PTGES3: variants seen among roughly 807,000 people sequenced by gnomAD.
PTGES3 encodes the protein Hsp90 co-chaperone.
In PTGES3, 5 loss-of-function variants were observed where a neutral mutation model predicts 29.9. The ratio of observed to expected loss-of-function variants is 0.17; its 90% CI spans 0.09 to 0.35. PTGES3 has a LOEUF of 0.35. PTGES3 is among the 10% of genes least tolerant of loss of function. The probability of loss-of-function intolerance (pLI) is 1.00; values close to 1 mark genes in which losing one functional copy is unlikely to be tolerated. For synonymous variants in PTGES3, 49 were observed against 57.8 expected (o/e 0.85, Z 0.69); for missense variants, 128 against 190.0 (o/e 0.67, Z 1.92).
Position 56,670,315 on chromosome 12 carries a change from T to C in PTGES3, c.335A>G (p.Asp112Gly). Reference sequence around the variant, plus strand: ...AAAATTAGACATGTCTTCATCTGAATCATCTTCCCAGTCTTTCCAATTATT... The same window carrying C: ...AAAATTAGACATGTCTTCATCTGAACCATCTTCCCAGTCTTTCCAATTATT... ...DFNNWKDWED[D>G]SDEDMSNFDR... Residue 112 changes from aspartate to glycine, a missense_variant, in exon 5 of 8, where the codon GAT becomes GGT. Asp to Gly is a moderately conservative substitution (Grantham distance 94). Coordinates refer to ENST00000262033, the MANE Select transcript of PTGES3 (RefSeq NM_006601.7). The C allele has an allele frequency of 6.2e-7, 1 of 1,613,752 alleles. No homozygotes were observed. Among genetic ancestry groups the C allele is most frequent in the African/African-American group, 1.3e-5 (1 of 75,042 alleles).
intron 1 of PTGES3, among the ~76,000 whole-genome samples, chr12:56,682,605 G>C (rs190696865): frequency 6.6e-6 from 1 of 151,714 alleles, no homozygotes. Context: ...GGTATACCAA[G>C]GATCGGGTGC....
At chr12:56,669,892 G>A (rs1951935484) in intron 5 of PTGES3, among the ~76,000 whole-genome samples, 1 of 150,694 alleles carries the variant, frequency 6.6e-6, no homozygotes, top group South Asian at 2.1e-4. Context: ...TTACAGGTGT[G>A]AGCACCGTGC....
chr12:56,686,873 C>T, intron 1 of PTGES3: 1 of 342,370 alleles, frequency 2.9e-6, no homozygotes, highest in Non-Finnish European at 5.1e-6. Flanking sequence ...TATTACTTTT[C>T]CAAAGACATA....
chr12:56,681,752 G>A (rs927846150), intron 1 of PTGES3, among the ~76,000 whole-genome samples: 3 of 151,392 alleles, frequency 2.0e-5, no homozygotes, highest in African/African-American at 4.8e-5. Context: ...GTACTCAGGG[G>A]GCTGAGGCAG....
intron 5 of PTGES3, among the ~76,000 whole-genome samples, chr12:56,668,440 C>A (rs1007558044): frequency 6.6e-6 from 1 of 151,956 alleles, no homozygotes. Context: ...AAACAAAAAA[C>A]AAAAACAGTG....
chr12:56,687,492 A>G, intron 1 of PTGES3: 1 of 993,550 alleles, frequency 1.0e-6, no homozygotes, highest in African/African-American at 1.7e-5. Flanking sequence ...GTTGCCTAGC[A>G]GTACCTGCAG....
rs577125502 is a variant in PTGES3, at chr12:56,663,623, G to C, written c.*856C>G. ...AAGTCTTCCAACAGTTTATTAGAAA[G>C]AATGTAGACATTTAAAAAAATCCCC... On this transcript the variant is annotated 3_prime_UTR_variant, in exon 8 of 8. Coordinates refer to ENST00000262033, the MANE Select transcript of PTGES3 (RefSeq NM_006601.7). 1 of 152,678 alleles carries C rather than the reference G, an allele frequency of 6.5e-6. No homozygotes were observed. Among genetic ancestry groups the C allele is most frequent in the Admixed American group, 6.5e-5 (1 of 15,286 alleles). 9.5% of individuals were successfully genotyped at this position (152,678 alleles called of 1,614,324 possible). A position where few individuals can be genotyped will look rare whatever the true frequency, so the allele number is the denominator to read the frequency against.
chr12:56,670,118 C>T (rs1951946024), intron 5 of PTGES3, among the ~76,000 whole-genome samples, 157 bp downstream of exon 5: 1 of 152,010 alleles, frequency 6.6e-6, no homozygotes, highest in South Asian at 2.1e-4. Context: ...TTAAAATTGC[C>T]ATTGTTAACA....
intron 1 of PTGES3, among the ~76,000 whole-genome samples, chr12:56,674,815 G>A (rs1236343893): frequency 1.9e-5 from 1 of 52,688 alleles, no homozygotes; most frequent in Non-Finnish European, 3.1e-5. Flanking sequence ...AACAGAGCAA[G>A]ACTCCATCTC....
intron 1 of PTGES3, chr12:56,687,377 T>G (rs1308002404): frequency 1.0e-6 from 1 of 987,388 alleles, no homozygotes; most frequent in Non-Finnish European, 1.2e-6. Flanking sequence ...ACCTCCCGTG[T>G]TTTCAAGAGA....
chr12:56,666,635 C>CT (rs201297659), intron 5 of PTGES3, among the ~76,000 whole-genome samples: 5,915 of 149,008 alleles, frequency 0.04, 358 homozygotes, highest in African/African-American at 0.13. Flanking sequence ...TTAAGGTATT[C>CT]TTTTTTTTTT....
chr12:56,682,382 T>C (rs1952581621), intron 1 of PTGES3, among the ~76,000 whole-genome samples: 2 of 151,870 alleles, frequency 1.3e-5, no homozygotes, highest in Admixed American at 6.6e-5. Flanking sequence ...TTAGCAACAT[T>C]GTGAGACCCC....
intron 5 of PTGES3, among the ~76,000 whole-genome samples, chr12:56,669,943 C>A (rs1156864316): frequency 6.8e-6 from 1 of 147,502 alleles, no homozygotes; most frequent in African/African-American, 2.5e-5. Context: ...ACTTCAAAAT[C>A]CAAGTCAACT....
chr12:56,673,009 C>G lies in PTGES3; in HGVS notation c.59G>C (p.Cys20Ser). 1 of 1,610,560 alleles carries G rather than the reference C, an allele frequency of 6.2e-7. No individual in the cohort carries two copies. Among genetic ancestry groups the G allele is most frequent in the Non-Finnish European group, 8.5e-7 (1 of 1,179,178 alleles). Residue 20 changes from cysteine (C) to serine (S), a missense_variant, in exon 2 of 8, where the codon TGT becomes TCT. By Grantham distance (112) the Cys-to-Ser change is moderately radical. Coordinates refer to ENST00000262033, the MANE Select transcript of PTGES3 (RefSeq NM_006601.7). ...DRRDYVFIEF[C>S]VEDSKDVNVN... ...ATTAACATCCTTACTGTCTTCAACACAAAATTCAATGAAGACATAGTCCCT... is the reference window on the plus strand; with the variant it reads ...ATTAACATCCTTACTGTCTTCAACAGAAAATTCAATGAAGACATAGTCCCT...
Position 56,672,841 on chromosome 12 carries a change from T to G in PTGES3, c.117-32A>C. The G allele has an allele frequency of 1.9e-6, 3 of 1,554,768 alleles. No individual in the cohort carries two copies. In the South Asian group the frequency reaches 3.6e-5, roughly 19 times the overall value. On this transcript the variant is annotated intron_variant, in intron 2 of 7. Coordinates refer to ENST00000262033, the MANE Select transcript of PTGES3 (RefSeq NM_006601.7). The stretch of plus-strand genomic sequence containing the variant: ...AAAATAATAAAGAAAGAATTAAGCC[T>G]CTTCAAAGAGACAAAGATTAATAAT...
chr12:56,677,218 G>A (rs2958131), intron 1 of PTGES3, among the ~76,000 whole-genome samples: 164 of 149,214 alleles, frequency 1.1e-3, no homozygotes, highest in Middle Eastern at 3.5e-3. Context: ...TAGCCTGGGC[G>A]ACAGAGTGAG....
At chr12:56,680,326 C>T (rs921884268) in intron 1 of PTGES3, among the ~76,000 whole-genome samples, 4 of 151,842 alleles carry the variant, frequency 2.6e-5, no homozygotes, top group African/African-American at 9.7e-5. Flanking sequence ...CTGCCCACCT[C>T]AGTCCCCCAA....
At chr12:56,677,346 C>T (rs1952303771) in intron 1 of PTGES3, among the ~76,000 whole-genome samples, 2 of 152,066 alleles carry the variant, frequency 1.3e-5, no homozygotes, top group African/African-American at 2.4e-5. Flanking sequence ...TAAAATAACT[C>T]GCTAGGACAG....
intron 1 of PTGES3, among the ~76,000 whole-genome samples, chr12:56,675,505 G>A (rs1053614860): frequency 2.1e-5 from 3 of 140,064 alleles, no homozygotes; most frequent in African/African-American, 8.7e-5. Flanking sequence ...CTCTAGCCTA[G>A]GCAACAGAAT....
Sources: gnomAD v4.1 joint callset for allele counts (sites outside exome capture counted in the v4.1 genomes callset) on GRCh38, gnomAD v4.1.1 for gene constraint, MANE v1.5 for transcripts, NCBI Gene and HGNC (gene_info 2026-07-23, HGNC 2026-07-21) for gene names.